Variants in CDK18 observed in about 807,000 individuals in gnomAD.
CDK18 encodes the protein cyclin dependent kinase 18, also known as cyclin-dependent kinase 18.
In CDK18, 52 loss-of-function variants were observed where a neutral mutation model predicts 62.0. That is an observed-to-expected ratio of 0.84 (90% CI 0.67 to 1.06). The LOEUF is 1.06. Among genes scored for constraint, CDK18 ranks in the 50% least tolerant of loss-of-function variants. CDK18 has a pLI of 0.00. For synonymous variants in CDK18, 237 were observed against 247.0 expected (o/e 0.96, Z 0.38); for missense variants, 604 against 619.9 (o/e 0.97, Z 0.27).
chr1:205,514,749 C>G (rs1159909601), intron 1 of CDK18, among the ~76,000 whole-genome samples: 1 of 152,144 alleles, frequency 6.6e-6, no homozygotes, highest in Non-Finnish European at 1.5e-5. Context: ...CTGGTGGGCT[C>G]CTTACTCTGT....
intron 1 of CDK18, among the ~76,000 whole-genome samples, chr1:205,519,586 G>A (rs545934345): frequency 6.6e-6 from 1 of 152,134 alleles, no homozygotes; most frequent in African/African-American, 2.4e-5. Context: ...TGTCCTGCGG[G>A]TGGAGAACAG....
At position 205,530,123 on chromosome 1, in the gene CDK18, G is replaced by A. The variant is rs1167339332; in HGVS notation, c.1222-136G>A. On this transcript the variant is annotated intron_variant, in intron 13 of 15. Coordinates refer to ENST00000429964, the MANE Select transcript of CDK18 (RefSeq NM_212502.3). The stretch of plus-strand genomic sequence containing the variant: ...TGAGGTTGGGTTTGTGGTAGGGGCT[G>A]GAGGCTGACCTGGGGCTTCTCCTGT... 2.7e-6 allele frequency: 4 copies of A among 1,490,704 alleles called. No homozygotes were observed. The Admixed American group carries it at 8.5e-5, about 32-fold the overall frequency. 92.3% of individuals were successfully genotyped at this position (1,490,704 alleles called of 1,614,324 possible).
intron 13 of CDK18, chr1:205,529,947 A>G (rs953463832): frequency 4.4e-5 from 61 of 1,379,790 alleles, no homozygotes; most frequent in African/African-American, 5.9e-5. Context: ...TATCGGCACT[A>G]CGCTTCCTGT....
chr1:205,520,556 CG>C (rs1180445365), intron 1 of CDK18, among the ~76,000 whole-genome samples: 28 of 151,770 alleles, frequency 1.8e-4, no homozygotes, highest in Non-Finnish European at 3.4e-4. Context: ...AAAAATTAGC[CG>C]GGTGTGGTGG....
rs561059325 is a variant in CDK18, at chr1:205,517,760, C to G, written c.-21-5387C>G. 6.6e-6 allele frequency among the ~76,000 whole-genome samples: 1 copy of G among 152,196 alleles called. No homozygotes were observed. Among genetic ancestry groups the G allele is most frequent in the South Asian group, 2.1e-4 (1 of 4,814 alleles). On this transcript the variant is annotated intron_variant, in intron 1 of 15. Transcript: ENST00000429964. This position sits in a 1 kb window ranked among gnomAD's most constrained non-coding sequence, Gnocchi z 4.1. ...CACTTCTCACCATCTCCACTGCCCC[C>G]CGCTGGTCCCAGCCACCATCAAGCT...
intron 1 of CDK18, chr1:205,522,612 G>A (rs1668190899): frequency 6.6e-6 from 1 of 152,650 alleles, no homozygotes. Context: ...TCCCAAGGGT[G>A]TTGGCCAAGC....
At chr1:205,506,199 C>T (rs1667298866) in intron 1 of CDK18, among the ~76,000 whole-genome samples, 1 of 152,176 alleles carries the variant, frequency 6.6e-6, no homozygotes, top group South Asian at 2.1e-4. Flanking sequence ...GCGACACTGG[C>T]TCCAGGTCCG....
intron 1 of CDK18, among the ~76,000 whole-genome samples, chr1:205,520,135 T>TG (rs1430549810): frequency 7.2e-5 from 11 of 152,034 alleles, no homozygotes; most frequent in Non-Finnish European, 1.2e-4. Flanking sequence ...TCCTCTCCTG[T>TG]GGGGGGCCTC....
At chr1:205,509,543 C>T (rs754421738) in intron 1 of CDK18, among the ~76,000 whole-genome samples, 126 of 152,230 alleles carry the variant, frequency 8.3e-4, no homozygotes, top group Admixed American at 3.9e-3. Context: ...TTTCAGTTTC[C>T]TCATTTATAA....
At chr1:205,507,551 G>A (rs1473441711) in intron 1 of CDK18, among the ~76,000 whole-genome samples, 2 of 149,356 alleles carry the variant, frequency 1.3e-5, no homozygotes, top group Admixed American at 1.3e-4. Context: ...GGAGAATGGC[G>A]TGAACCCGGG....
rs775496694 is a variant in CDK18 at position 205,530,310 on chromosome 1, T to C, written c.1273T>C (p.Phe425Leu). 1.9e-6 allele frequency: 3 copies of C among 1,613,334 alleles called. No individual in the cohort carries two copies. The highest frequency in any genetic ancestry group is 2.5e-6 in the Non-Finnish European group (3 of 1,180,024). Residue 425 changes from phenylalanine to leucine, a missense_variant, in exon 14 of 16, where the codon TTC becomes CTC. Physicochemically the swap from Phe to Leu is conservative, Grantham distance 22. Transcript: ENST00000429964. ...AGAGGCTGCCCTGAGTCACTCCTAC[T>C]TCCGGTCTCTGGGAGAGCGTGTGCA... ...SAEAALSHSY[F>L]RSLGERVHQL...
In CDK18 at chr1:205,527,191, A is replaced by G. The variant is rs1260042060; in HGVS notation, c.729+354A>G. ...AATGACCTCTCCTGGTGTTTGTTAA[A>G]GAATCAAGGCTGGGCATGGTGGCCC... is the stretch of plus-strand genomic sequence containing the variant. On this transcript the variant is annotated intron_variant, in intron 8 of 15. Coordinates refer to ENST00000429964, the MANE Select transcript of CDK18 (RefSeq NM_212502.3). The surrounding 1 kb of genome is among the most constrained non-coding windows in gnomAD (Gnocchi z 4.1). The G allele has an allele frequency of 2.1e-4, 58 of 271,580 alleles. No individual in the cohort carries two copies. Among genetic ancestry groups the G allele is most frequent in the Non-Finnish European group, 2.8e-5 (4 of 142,376 alleles). The allele number at this position is 271,580 out of a possible 1,614,324, so 16.8% of individuals were successfully genotyped here.
intron 1 of CDK18, among the ~76,000 whole-genome samples, chr1:205,507,612 C>T (rs1466032390): frequency 1.7e-5 from 2 of 116,820 alleles, no homozygotes; most frequent in Non-Finnish European, 3.2e-5. Context: ...CCAGCCTGGG[C>T]GACAGAGCGA....
In CDK18 at chr1:205,528,585, C is replaced by A; in HGVS notation, c.975-414C>A. ...AATCAGCCCAAATTGCAAGCCAAGC[C>A]GCCGGTGGTTATGAATGGCTGCTGT... On this transcript the variant is annotated intron_variant, in intron 10 of 15. Transcript: ENST00000429964. This position sits in a 1 kb window ranked among gnomAD's most constrained non-coding sequence, Gnocchi z 4.2. The A allele has an allele frequency of 4.0e-6, 1 of 251,276 alleles. No homozygotes were observed. Among genetic ancestry groups the A allele is most frequent in the Non-Finnish European group, 7.6e-6 (1 of 132,350 alleles). The allele number at this position is 251,276 out of a possible 1,614,324, so 15.6% of individuals were successfully genotyped here. A position where few individuals can be genotyped will look rare whatever the true frequency, so the allele number is the denominator to read the frequency against.
intron 4 of CDK18, 137 bp downstream of exon 4, chr1:205,524,494 T>C: frequency 2.2e-6 from 2 of 912,108 alleles, no homozygotes; most frequent in Non-Finnish European, 3.4e-6. Flanking sequence ...CTGGCTTGAG[T>C]GCATTCAACT....
Position 205,528,287 on chromosome 1 carries a change from C to G in CDK18, c.974+119C>G. The G allele has an allele frequency of 1.7e-6, 2 of 1,201,316 alleles. No homozygotes were observed. Among genetic ancestry groups the G allele is most frequent in the Non-Finnish European group, 2.3e-6 (2 of 853,290 alleles). The allele number at this position is 1,201,316 out of a possible 1,614,324, so 74.4% of individuals were successfully genotyped here. A position where few individuals can be genotyped will look rare whatever the true frequency, so the allele number is the denominator to read the frequency against. On this transcript the variant is annotated intron_variant, in intron 10 of 15. Transcript: ENST00000429964. The surrounding 1 kb of genome is among the most constrained non-coding windows in gnomAD (Gnocchi z 4.2). ...TGCCTAACTTCCTTTGCCTAAAAGC[C>G]TTGTGACATCCTGCTGAAATGGATG... is the stretch of plus-strand genomic sequence containing the variant.
Position 205,523,486 on chromosome 1 carries a change from T to A in CDK18, c.134T>A (p.Leu45Ter). ...AGCTGACGCCTGTCCCTCTTAGACT[T>A]GCAGCTCGGTCCTCTTGGCAGAGAC... Reference protein sequence around the residue: ...NQLHNRRNENLQLGPLGRDPP... With the variant: ...NQLHNRRNEN The change falls in exon 3 of 16, where the codon TTG (leucine) becomes TAG (stop). Residue 45 changes from leucine to a stop codon, truncating the protein, a stop_gained. Coordinates refer to ENST00000429964, the MANE Select transcript of CDK18 (RefSeq NM_212502.3). LOFTEE classifies it high-confidence loss of function. 6.2e-7 allele frequency: 1 copy of A among 1,601,964 alleles called. No homozygotes were observed. Among genetic ancestry groups the A allele is most frequent in the Non-Finnish European group, 8.5e-7 (1 of 1,174,896 alleles).
chr1:205,516,144 A>G lies in CDK18; in HGVS notation c.-21-7003A>G, dbSNP rs943576323. On this transcript the variant is annotated intron_variant, in intron 1 of 15. Transcript: ENST00000429964. This position sits in a 1 kb window ranked among gnomAD's most constrained non-coding sequence, Gnocchi z 4.8. ...AAACTAAGGCCTCCAGCTGTGCAGA[A>G]CAGGGTCAGCTGGAGGATGAAGGAA... Among the ~76,000 whole-genome samples the G allele has an allele frequency of 2.6e-5, 4 of 152,208 alleles. No homozygotes were observed. The highest frequency in any genetic ancestry group is 7.2e-5 in the African/African-American group (3 of 41,460).
chr1:205,526,963 G>A, intron 8 of CDK18, 126 bp downstream of exon 8: 1 of 742,698 alleles, frequency 1.3e-6, no homozygotes, highest in Non-Finnish European at 2.4e-6. Flanking sequence ...ACGTAGGAAA[G>A]AGGGAGAGGG....
Sources: allele counts gnomAD v4.1 joint callset (sites outside exome capture counted in the v4.1 genomes callset), GRCh38; gene constraint gnomAD v4.1.1; non-coding constraint Gnocchi (gnomAD v3.1); transcripts MANE v1.5; gene names NCBI Gene and HGNC (gene_info 2026-07-23, HGNC 2026-07-21).